Variants in SLC35F3 observed in about 807,000 individuals in gnomAD.
SLC35F3 encodes the protein putative thiamine transporter SLC35F3.
Under a neutral mutation model 49.9 loss-of-function variants are expected in SLC35F3, and 25 were observed. That is an observed-to-expected ratio of 0.50 (90% CI 0.37 to 0.70). The LOEUF (loss-of-function observed/expected upper bound fraction) is 0.70. Among genes scored for constraint, SLC35F3 ranks in the 30% least tolerant of loss-of-function variants. SLC35F3 has a pLI of 0.00. For missense variants in SLC35F3, 525 were observed against 639.8 expected (o/e 0.82, Z 1.94); for synonymous variants, 275 against 265.4 (o/e 1.04, Z -0.35).
chr1:233,975,023 G>A (rs12047995), intron 2 of SLC35F3, among the ~76,000 whole-genome samples: 2 of 152,176 alleles, frequency 1.3e-5, no homozygotes, highest in Admixed American at 6.5e-5. Context: ...GAAGGTGAGC[G>A]AGGCTGCAAA....
chr1:234,280,496 C>A (rs1668305515), intron 3 of SLC35F3, among the ~76,000 whole-genome samples: 1 of 152,098 alleles, frequency 6.6e-6, no homozygotes, highest in Non-Finnish European at 1.5e-5. Flanking sequence ...CCCAAGTGAC[C>A]AGGAAGTCTC....
intron 2 of SLC35F3, among the ~76,000 whole-genome samples, chr1:234,181,169 C>CAA (rs148012803): frequency 6.7e-6 from 1 of 149,404 alleles, no homozygotes; most frequent in African/African-American, 2.4e-5. Context: ...CCTCTGTCTA[C>CAA]AAAAAAAAAT....
intron 2 of SLC35F3, among the ~76,000 whole-genome samples, chr1:233,912,617 G>T (rs115496080): frequency 1.3e-5 from 2 of 152,334 alleles, no homozygotes; most frequent in Non-Finnish European, 2.9e-5. Flanking sequence ...AGGCCCCCCA[G>T]TGGATACTGT....
At chr1:234,158,026 T>C (rs1305483703) in intron 2 of SLC35F3, among the ~76,000 whole-genome samples, 3 of 152,220 alleles carry the variant, frequency 2.0e-5, no homozygotes, top group Non-Finnish European at 4.4e-5. Context: ...GCCAGTCATC[T>C]ACTTCCGGGA....
intron 2 of SLC35F3, among the ~76,000 whole-genome samples, chr1:234,102,698 C>T (rs891614051): frequency 2.6e-5 from 4 of 152,204 alleles, no homozygotes; most frequent in African/African-American, 7.2e-5. Context: ...CAGCTCTCCA[C>T]GACTCCCCTC....
At chr1:234,083,696 G>T (rs1251397915) in intron 2 of SLC35F3, among the ~76,000 whole-genome samples, 1 of 152,110 alleles carries the variant, frequency 6.6e-6, no homozygotes, top group African/African-American at 2.4e-5. Flanking sequence ...TGTAGATTTT[G>T]TTCCCAAAGC....
chr1:234,000,745 G>T (rs1663538227), intron 2 of SLC35F3, among the ~76,000 whole-genome samples: 1 of 152,214 alleles, frequency 6.6e-6, no homozygotes, highest in African/African-American at 2.4e-5. Flanking sequence ...ACATTGTCGA[G>T]CTTACAGAGG....
intron 2 of SLC35F3, among the ~76,000 whole-genome samples, chr1:234,043,010 A>T (rs1242538654): frequency 6.6e-6 from 1 of 152,240 alleles, no homozygotes; most frequent in Admixed American, 6.5e-5. Flanking sequence ...TTTTATTATG[A>T]ACTAAATACA....
At chr1:233,911,882 C>G (rs1206771336) in intron 2 of SLC35F3, among the ~76,000 whole-genome samples, 1 of 152,168 alleles carries the variant, frequency 6.6e-6, no homozygotes, top group East Asian at 1.9e-4. Context: ...AGAGTTCTCC[C>G]TGCTCTTCAG....
intron 2 of SLC35F3, among the ~76,000 whole-genome samples, chr1:233,932,070 A>G (rs2102794042): frequency 6.6e-6 from 1 of 151,728 alleles, no homozygotes; most frequent in Non-Finnish European, 1.5e-5. Flanking sequence ...ACATATTCTC[A>G]CTCATAAGTG....
chr1:234,127,243 A>G (rs142751366), intron 2 of SLC35F3, among the ~76,000 whole-genome samples: 70 of 152,278 alleles, frequency 4.6e-4, no homozygotes, highest in African/African-American at 1.6e-3. Flanking sequence ...ATCTTTAATA[A>G]CTGTCTGTGA....
chr1:233,909,742 C>G (rs543938599), intron 2 of SLC35F3, among the ~76,000 whole-genome samples: 1 of 152,306 alleles, frequency 6.6e-6, no homozygotes, highest in East Asian at 1.9e-4. Flanking sequence ...TGACCTCTGC[C>G]TATTAGATGT....
At chr1:234,250,303 C>G (rs1572115246) in intron 3 of SLC35F3, among the ~76,000 whole-genome samples, 1 of 152,210 alleles carries the variant, frequency 6.6e-6, no homozygotes, top group East Asian at 1.9e-4. Flanking sequence ...TGGCCCCTGT[C>G]TTCGCCTGTT....
intron 3 of SLC35F3, among the ~76,000 whole-genome samples, chr1:234,297,562 C>T (rs1208965979): frequency 6.6e-6 from 1 of 152,092 alleles, no homozygotes; most frequent in African/African-American, 2.4e-5. Context: ...TATGATCTCA[C>T]TAATATAAGG....
chr1:234,225,015 C>T (rs1273914578), intron 2 of SLC35F3, among the ~76,000 whole-genome samples: 2 of 152,176 alleles, frequency 1.3e-5, no homozygotes, highest in East Asian at 1.9e-4. Flanking sequence ...ACTGGGGCTT[C>T]GGCCGCATGT....
intron 2 of SLC35F3, among the ~76,000 whole-genome samples, chr1:233,999,821 A>G (rs1663523196): frequency 6.6e-6 from 1 of 152,162 alleles, no homozygotes; most frequent in African/African-American, 2.4e-5. Context: ...GAAAACAGGG[A>G]TGGCATCTTT....
intron 3 of SLC35F3, among the ~76,000 whole-genome samples, chr1:234,269,874 G>A (rs953082611): frequency 1.2e-4 from 18 of 152,214 alleles, no homozygotes; most frequent in African/African-American, 4.3e-4. Context: ...TGCACACACT[G>A]GCTCCCCTTC....
At chr1:234,094,882 G>A (rs1665095125) in intron 2 of SLC35F3, among the ~76,000 whole-genome samples, 1 of 152,148 alleles carries the variant, frequency 6.6e-6, no homozygotes, top group African/African-American at 2.4e-5. Flanking sequence ...TACATGGGTA[G>A]ACATGTGCAC....
In SLC35F3 at chr1:234,251,251, G is replaced by A. The variant is rs112382774; in HGVS notation, c.608+19510G>A. On this transcript the variant is annotated intron_variant, in intron 3 of 7. Transcript: ENST00000366618. ...AGGACTGGTTTGACCAACAAGGAAA[G>A]ACTGCTTAGTGAGTGAAGGTTACAG... Among the ~76,000 whole-genome samples, 151 of 152,228 alleles carry A rather than the reference G, an allele frequency of 9.9e-4. 1 individual carries two copies. Among genetic ancestry groups the A allele is most frequent in the African/African-American group, 3.5e-3 (146 of 41,526 alleles).
Sources: allele counts gnomAD v4.1 joint callset (sites outside exome capture counted in the v4.1 genomes callset), GRCh38; gene constraint gnomAD v4.1.1; transcripts MANE v1.5; gene names NCBI Gene and HGNC (gene_info 2026-07-23, HGNC 2026-07-21).